Variants in MSRA observed in about 807,000 individuals in gnomAD.
MSRA encodes the protein mitochondrial peptide methionine sulfoxide reductase.
Under a neutral mutation model 31.3 loss-of-function variants are expected in MSRA, and 54 were observed. That is an observed-to-expected ratio of 1.73 (90% CI 1.39 to 2.17). The LOEUF (loss-of-function observed/expected upper bound fraction) is 2.17. Ranked by LOEUF, MSRA falls within the 30% of genes most tolerant of loss-of-function variation. The pLI is 0.00. For synonymous variants in MSRA, 169 were observed against 116.5 expected, an observed-to-expected ratio of 1.45 and a Z score of -2.90; for missense variants, 507 against 300.9, an observed-to-expected ratio of 1.69 and a Z score of -5.07.
At chr8:10,289,656 T>G (rs867717573) in intron 3 of MSRA, among the ~76,000 whole-genome samples, 1 of 152,344 alleles carries the variant, frequency 6.6e-6, no homozygotes, top group Admixed American at 6.5e-5. Context: ...TTGAAGAATA[T>G]GAAAACATAT....
chr8:10,188,168 C>T (rs1389500329), intron 1 of MSRA, among the ~76,000 whole-genome samples: 1 of 152,210 alleles, frequency 6.6e-6, no homozygotes, highest in African/African-American at 2.4e-5. Flanking sequence ...CTTACATAAT[C>T]AGTGTGTTGT....
chr8:10,126,450 G>C (rs899796865), intron 1 of MSRA, among the ~76,000 whole-genome samples: 4 of 152,128 alleles, frequency 2.6e-5, no homozygotes, highest in Non-Finnish European at 5.9e-5. Flanking sequence ...CTGGGGGCAG[G>C]GGCGATGGTT....
Position 10,428,132 on chromosome 8 carries a change from T to C in MSRA, c.544-16T>C, listed in dbSNP as rs758108301. 1.9e-6 allele frequency: 3 copies of C among 1,606,636 alleles called. No homozygotes were observed. In the Admixed American group the frequency reaches 5.2e-5, roughly 28 times the overall value. ...TCTAGCATGGGAGCTGATGGCGCCT[T>C]TCTGTGTCCCCACAGGTTCTTTCAG... On this transcript the variant is annotated splice_polypyrimidine_tract_variant and intron_variant, in intron 5 of 5. Transcript: ENST00000317173.
intron 5 of MSRA, among the ~76,000 whole-genome samples, chr8:10,362,569 C>T (rs1315574554): frequency 6.6e-6 from 1 of 151,414 alleles, no homozygotes; most frequent in African/African-American, 2.4e-5. Flanking sequence ...CATCCCCTTT[C>T]TGAGTTTCCT....
intron 1 of MSRA, among the ~76,000 whole-genome samples, chr8:10,137,184 C>A (rs989496966): frequency 6.6e-6 from 1 of 152,102 alleles, no homozygotes; most frequent in Admixed American, 6.5e-5. Flanking sequence ...ATCATTGGAG[C>A]CTTCTTTATT....
At chr8:10,360,873 C>G (rs908563098) in intron 5 of MSRA, among the ~76,000 whole-genome samples, 2 of 152,138 alleles carry the variant, frequency 1.3e-5, no homozygotes, top group Non-Finnish European at 2.9e-5. Context: ...GGAGTTCATG[C>G]CTGCCACTCC....
At chr8:10,074,725 G>C (rs553604969) in intron 1 of MSRA, among the ~76,000 whole-genome samples, 1 of 151,706 alleles carries the variant, frequency 6.6e-6, no homozygotes, top group Admixed American at 6.6e-5. Context: ...GTAGTACGAC[G>C]CCTCCTCACA....
intron 1 of MSRA, among the ~76,000 whole-genome samples, chr8:10,161,143 A>G (rs961797422): frequency 2.6e-5 from 4 of 152,204 alleles, no homozygotes; most frequent in African/African-American, 4.8e-5. Flanking sequence ...ATTCTAATGA[A>G]AACATCAGCT....
intron 3 of MSRA, among the ~76,000 whole-genome samples, chr8:10,276,338 A>G (rs1465144165): frequency 6.6e-6 from 1 of 152,084 alleles, no homozygotes; most frequent in Non-Finnish European, 1.5e-5. Context: ...CTGCCTTGTA[A>G]TTGTTACAGG....
At chr8:10,320,021 T>A in intron 5 of MSRA, 32 bp downstream of exon 5, 1 of 1,465,822 alleles carries the variant, frequency 6.8e-7, no homozygotes, top group Non-Finnish European at 9.4e-7. Flanking sequence ...GCCCCTGGCT[T>A]AGGCCACCAT....
At chr8:10,378,032 C>G (rs111346898) in intron 5 of MSRA, among the ~76,000 whole-genome samples, 1 of 152,326 alleles carries the variant, frequency 6.6e-6, no homozygotes, top group African/African-American at 2.4e-5. Flanking sequence ...CAAAAGGCCC[C>G]GGGTGGCCAG....
chr8:10,191,267 A>G (rs1807478270), intron 1 of MSRA, among the ~76,000 whole-genome samples: 1 of 152,226 alleles, frequency 6.6e-6, no homozygotes, highest in African/African-American at 2.4e-5. Flanking sequence ...TAGTCAGAGA[A>G]AAGAGACCCC....
intron 1 of MSRA, among the ~76,000 whole-genome samples, chr8:10,143,569 G>C (rs1015053111): frequency 6.6e-6 from 1 of 152,150 alleles, no homozygotes; most frequent in African/African-American, 2.4e-5. Flanking sequence ...ATTATTGCCA[G>C]ACATAAAACC....
Position 10,320,056 on chromosome 8 carries a change from G to C in MSRA, c.543+67G>C, listed in dbSNP as rs745889822. 3 of 982,052 alleles carry C rather than the reference G, an allele frequency of 3.1e-6. No individual in the cohort carries two copies. In the East Asian group the frequency reaches 7.9e-5, roughly 26 times the overall value. 60.8% of individuals were successfully genotyped at this position (982,052 alleles called of 1,614,324 possible). On this transcript the variant is annotated intron_variant, in intron 5 of 5. Transcript: ENST00000317173. The stretch of plus-strand genomic sequence containing the variant: ...TGACTAGGGCCAGGTTCTGATTTTA[G>C]AGGGCAGTCTGCTGCTTTTCAACTG...
intron 5 of MSRA, among the ~76,000 whole-genome samples, chr8:10,363,738 CCACACACACACA>C (rs71203319): frequency 2.5e-4 from 26 of 103,284 alleles, no homozygotes; most frequent in Non-Finnish European, 4.1e-4. Context: ...GATGCAGTCA[CCACACACACACA>C]CACACACACA....
intron 5 of MSRA, among the ~76,000 whole-genome samples, chr8:10,323,154 G>C (rs971713061): frequency 6.6e-6 from 1 of 150,630 alleles, no homozygotes; most frequent in Non-Finnish European, 1.5e-5. Context: ...TCCTCCACTT[G>C]AGCGGTGGGA....
intron 3 of MSRA, among the ~76,000 whole-genome samples, chr8:10,251,624 C>G (rs1797921077): frequency 6.6e-6 from 1 of 152,152 alleles, no homozygotes; most frequent in South Asian, 2.1e-4. Context: ...GCTTCAAGAG[C>G]AGAGACCCTT....
At chr8:10,227,265 G>T (rs1349777624) in intron 2 of MSRA, among the ~76,000 whole-genome samples, 5 of 152,086 alleles carry the variant, frequency 3.3e-5, no homozygotes, top group Non-Finnish European at 2.9e-5. Flanking sequence ...TAAGGAAGAG[G>T]GGCTAAATTT....
At chr8:10,131,265 T>A (rs1034304244) in intron 1 of MSRA, among the ~76,000 whole-genome samples, 1 of 152,160 alleles carries the variant, frequency 6.6e-6, no homozygotes, top group African/African-American at 2.4e-5. Context: ...GCAATGACAA[T>A]GCAAATAAAG....
Sources: gnomAD v4.1 joint callset for allele counts (sites outside exome capture counted in the v4.1 genomes callset) on GRCh38, gnomAD v4.1.1 for gene constraint, MANE v1.5 for transcripts, NCBI Gene and HGNC (gene_info 2026-07-23, HGNC 2026-07-21) for gene names.